PTTG1IP: variants seen among roughly 807,000 people sequenced by gnomAD.
The protein encoded by PTTG1IP is pituitary tumor-transforming gene 1 protein-interacting protein.
A neutral mutation model predicts 24.4 loss-of-function variants in PTTG1IP; 16 were observed. The ratio of observed to expected loss-of-function variants is 0.66; its 90% confidence interval spans 0.44 to 1.00. PTTG1IP has a LOEUF of 1.00. PTTG1IP is among the 50% of genes least tolerant of loss of function. The probability of loss-of-function intolerance (pLI) is 0.00; values close to 1 mark genes in which losing one functional copy is unlikely to be tolerated. For synonymous variants in PTTG1IP, 89 were observed against 96.8 expected (o/e 0.92, Z 0.47); for missense variants, 241 against 245.8 (o/e 0.98, Z 0.13).
chr21:44,870,946 C>T (rs1390580103), intron 1 of PTTG1IP, among the ~76,000 whole-genome samples: 2 of 152,234 alleles, frequency 1.3e-5, no homozygotes, highest in East Asian at 1.9e-4. Flanking sequence ...AGCAAGTGTA[C>T]GTATTTCCTT....
chr21:44,855,469 G>C (rs887194721), intron 4 of PTTG1IP, among the ~76,000 whole-genome samples: 5 of 152,126 alleles, frequency 3.3e-5, no homozygotes, highest in Non-Finnish European at 7.4e-5. Context: ...AGTCTTCAAA[G>C]GCCGTTCCAA....
chr21:44,851,499 A>G lies in PTTG1IP; in HGVS notation c.*82T>C, dbSNP rs758657815. 75 of 1,613,648 alleles carry G rather than the reference A, an allele frequency of 4.6e-5. No individual in the cohort carries two copies. The highest frequency in any genetic ancestry group is 6.1e-5 in the Non-Finnish European group (72 of 1,179,988). On this transcript the variant is annotated 3_prime_UTR_variant, in exon 6 of 6. Transcript: ENST00000330938. ...CACTGGCCAAGGTCAGGAGACCGCA[A>G]TGGCCACGTGGTCTCCCGGCTGGGC...
At chr21:44,861,377 C>T in intron 2 of PTTG1IP, 106 bp from the exon 3 acceptor site, 2 of 930,206 alleles carry the variant, frequency 2.2e-6, no homozygotes, top group South Asian at 1.6e-5. Context: ...CTGTGGATGG[C>T]TGTAAAGGCT....
At chr21:44,852,901 G>A (rs762634698) in intron 5 of PTTG1IP, among the ~76,000 whole-genome samples, 3 of 152,128 alleles carry the variant, frequency 2.0e-5, no homozygotes, top group African/African-American at 7.2e-5. Flanking sequence ...CTAACTAGCC[G>A]AGGCTTTCCA....
At chr21:44,865,183 A>G (rs535598095) in intron 2 of PTTG1IP, among the ~76,000 whole-genome samples, 3 of 152,350 alleles carry the variant, frequency 2.0e-5, no homozygotes, top group Non-Finnish European at 4.4e-5. Flanking sequence ...GATACTGACC[A>G]TGCTCAGACA....
chr21:44,854,399 G>A (rs1569321136), intron 5 of PTTG1IP, among the ~76,000 whole-genome samples: 2 of 152,160 alleles, frequency 1.3e-5, no homozygotes, highest in South Asian at 4.1e-4. Flanking sequence ...CCAGGACCAC[G>A]CACCTCGCAC....
At chr21:44,869,976 ACT>A (rs1399297632) in intron 1 of PTTG1IP, among the ~76,000 whole-genome samples, 1 of 152,030 alleles carries the variant, frequency 6.6e-6, no homozygotes, top group Non-Finnish European at 1.5e-5. Context: ...CACACCGTCA[ACT>A]CCATCTATCC....
intron 4 of PTTG1IP, among the ~76,000 whole-genome samples, 198 bp downstream of exon 4, chr21:44,855,995 A>C (rs1339231255): frequency 6.6e-6 from 1 of 152,176 alleles, no homozygotes; most frequent in Non-Finnish European, 1.5e-5. Context: ...CTATAGAAGC[A>C]AGGTTCGCAG....
intron 5 of PTTG1IP, among the ~76,000 whole-genome samples, chr21:44,853,290 G>A (rs997718966): frequency 3.3e-5 from 5 of 152,138 alleles, no homozygotes; most frequent in African/African-American, 7.2e-5. Flanking sequence ...GGCGGATCAC[G>A]AGGTCAGGAG....
At chr21:44,863,623 G>A (rs902377516) in intron 2 of PTTG1IP, among the ~76,000 whole-genome samples, 2 of 152,192 alleles carry the variant, frequency 1.3e-5, no homozygotes, top group Non-Finnish European at 2.9e-5. Context: ...TGGCAAAAAC[G>A]CACTCTAGGC....
chr21:44,855,334 C>A (rs924388305), intron 4 of PTTG1IP, 78 bp from the exon 5 acceptor site: 21 of 1,448,006 alleles, frequency 1.5e-5, no homozygotes, highest in African/African-American at 1.4e-4. Context: ...CTTCCGTGTC[C>A]CTCAGTGGGG....
At chr21:44,857,974 T>C (rs1433290787) in intron 3 of PTTG1IP, among the ~76,000 whole-genome samples, 1 of 152,190 alleles carries the variant, frequency 6.6e-6, no homozygotes, top group Non-Finnish European at 1.5e-5. Flanking sequence ...TGGCTGGCCT[T>C]AAAACATATC....
chr21:44,869,460 A>C (rs1360803398), intron 1 of PTTG1IP, among the ~76,000 whole-genome samples: 3 of 152,208 alleles, frequency 2.0e-5, no homozygotes, highest in South Asian at 2.1e-4. Flanking sequence ...GTCAATTTAC[A>C]ATACATTTTT....
intron 2 of PTTG1IP, among the ~76,000 whole-genome samples, chr21:44,864,988 G>A (rs1454153373): frequency 2.6e-5 from 4 of 152,172 alleles, no homozygotes; most frequent in African/African-American, 9.7e-5. Context: ...TCTCCTTGCT[G>A]TGCCCCTTCC....
At chr21:44,873,080 C>G (rs1343269937) in intron 1 of PTTG1IP, 1 of 152,564 alleles carries the variant, frequency 6.6e-6, no homozygotes, top group African/African-American at 2.4e-5. Flanking sequence ...CCCGGCCTGC[C>G]CCCGACCAGC....
chr21:44,854,554 G>A (rs950580212), intron 5 of PTTG1IP, among the ~76,000 whole-genome samples: 1 of 152,222 alleles, frequency 6.6e-6, no homozygotes, highest in African/African-American at 2.4e-5. Context: ...CAGAATCAAC[G>A]AAGCACGGCT....
chr21:44,863,290 C>T lies in PTTG1IP; in HGVS notation c.169-2019G>A, dbSNP rs1319579551. On this transcript the variant is annotated intron_variant, in intron 2 of 5. Transcript: ENST00000330938. ...CTCGGCAACACAGAGACACACAGCC[C>T]GCCACGGCCTCAGGAGCGTGGACAC... Among the ~76,000 whole-genome samples, 3 of 143,446 alleles carry T rather than the reference C, an allele frequency of 2.1e-5. No homozygotes were observed. In the East Asian group the frequency reaches 5.9e-4, roughly 28 times the overall value. The allele number at this position is 143,446 out of a possible 152,430, so 94.1% of individuals were successfully genotyped here.
At chr21:44,870,701 T>C (rs2083578414) in intron 1 of PTTG1IP, among the ~76,000 whole-genome samples, 1 of 152,216 alleles carries the variant, frequency 6.6e-6, no homozygotes, top group African/African-American at 2.4e-5. Flanking sequence ...AGTCTAACAC[T>C]GAATGTGACT....
At chr21:44,870,066 G>T (rs2083571893) in intron 1 of PTTG1IP, among the ~76,000 whole-genome samples, 1 of 152,202 alleles carries the variant, frequency 6.6e-6, no homozygotes, top group Admixed American at 6.5e-5. Context: ...CAGCGGAGAG[G>T]CATGAGAGGA....
Sources: gnomAD v4.1 joint callset for allele counts (sites outside exome capture counted in the v4.1 genomes callset) on GRCh38, gnomAD v4.1.1 for gene constraint, MANE v1.5 for transcripts, NCBI Gene and HGNC (gene_info 2026-07-23, HGNC 2026-07-21) for gene names.